CA10: variants seen among roughly 807,000 people sequenced by gnomAD.
CA10 encodes carbonic anhydrase-related protein 10.
Under a neutral mutation model 44.2 loss-of-function variants are expected in CA10, and 14 were observed. That is an observed-to-expected ratio of 0.32 (90% confidence interval 0.21 to 0.50). The LOEUF is 0.50. Among genes scored for constraint, CA10 ranks in the 20% least tolerant of loss-of-function variants. CA10 has a pLI of 0.99. For synonymous variants in CA10, 159 were observed against 141.6 expected (o/e 1.12, Z -0.87); for missense variants, 350 against 409.7 (o/e 0.85, Z 1.26).
Position 51,947,284 on chromosome 17 carries a change from T to C in CA10, c.137-16152A>G, listed in dbSNP as rs1266672927. ...TGTCTAGACTTTGAGTCACCTTTAT[T>C]TGTGTACTGTAAAAGACCGGTAGGA... is the stretch of plus-strand genomic sequence containing the variant. On this transcript the variant is annotated intron_variant, in intron 2 of 8. Transcript: ENST00000451037. Among the ~76,000 whole-genome samples, 4 of 150,626 alleles carry C rather than the reference T, an allele frequency of 2.7e-5. 1 individual carries two copies. Among genetic ancestry groups the C allele is most frequent in the Admixed American group, 2.6e-4 (4 of 15,134 alleles).
At chr17:52,039,196 T>C (rs931440160) in intron 2 of CA10, among the ~76,000 whole-genome samples, 1 of 152,170 alleles carries the variant, frequency 6.6e-6, no homozygotes, top group African/African-American at 2.4e-5. Context: ...CAAATACGTA[T>C]TAGACAAATT....
At chr17:51,964,825 A>G (rs575648151) in intron 2 of CA10, among the ~76,000 whole-genome samples, 2 of 152,100 alleles carry the variant, frequency 1.3e-5, no homozygotes, top group African/African-American at 4.8e-5. Context: ...TTAGTGATCT[A>G]TCATTGTACC....
At chr17:51,831,733 A>AGCAGCCGCCGCAGC (rs1567854687) in intron 3 of CA10, among the ~76,000 whole-genome samples, 6 of 121,578 alleles carry the variant, frequency 4.9e-5, no homozygotes, top group African/African-American at 2.5e-4. Flanking sequence ...GCAGCAGCAG[A>AGCAGCCGCCGCAGC]AAAAGACCTT....
chr17:51,790,434 T>G (rs573267226), intron 3 of CA10, among the ~76,000 whole-genome samples: 29 of 152,364 alleles, frequency 1.9e-4, no homozygotes, highest in Admixed American at 9.8e-4. Flanking sequence ...ACCTCTTGCA[T>G]TTGGCAAATC....
intron 2 of CA10, among the ~76,000 whole-genome samples, chr17:52,001,296 A>G (rs1985417156): frequency 6.6e-6 from 1 of 152,040 alleles, no homozygotes; most frequent in Non-Finnish European, 1.5e-5. Context: ...TTTTATAGAA[A>G]AAGTTTGCCA....
chr17:52,096,487 T>C (rs1988404376), intron 1 of CA10, among the ~76,000 whole-genome samples: 1 of 152,166 alleles, frequency 6.6e-6, no homozygotes, highest in Non-Finnish European at 1.5e-5. Flanking sequence ...GAATTGGCTC[T>C]GAGGACAGAG....
intron 4 of CA10, among the ~76,000 whole-genome samples, chr17:51,745,247 TG>T (rs1305160990): frequency 2.0e-5 from 3 of 152,292 alleles, no homozygotes; most frequent in Admixed American, 2.0e-4. Flanking sequence ...CACCTAAAAT[TG>T]TCACAGTGGT....
chr17:52,083,449 T>A (rs1344032504), intron 1 of CA10, among the ~76,000 whole-genome samples: 1 of 152,200 alleles, frequency 6.6e-6, no homozygotes, highest in Admixed American at 6.5e-5. Context: ...AAAGTACAAA[T>A]GCAGTTTTTT....
chr17:51,639,509 G>T lies in CA10; in HGVS notation c.635-3500C>A, dbSNP rs564072440. ...GCTCAGGGATTTATCACACACAGCA[G>T]GTTTCCAAAACACCGTAGTGCTGAT... On this transcript the variant is annotated intron_variant, in intron 6 of 8. Transcript: ENST00000451037. Among the ~76,000 whole-genome samples, 5 of 152,218 alleles carry T rather than the reference G, an allele frequency of 3.3e-5. No homozygotes were observed. The South Asian group carries it at 1.0e-3, about 32-fold the overall frequency.
At chr17:51,954,916 T>C (rs1983610520) in intron 2 of CA10, among the ~76,000 whole-genome samples, 1 of 152,290 alleles carries the variant, frequency 6.6e-6, no homozygotes, top group South Asian at 2.1e-4. Flanking sequence ...AGAACATCAG[T>C]TCCTTCCAGG....
intron 2 of CA10, among the ~76,000 whole-genome samples, chr17:51,960,925 A>T (rs1404576104): frequency 1.3e-5 from 2 of 152,172 alleles, no homozygotes; most frequent in Non-Finnish European, 2.9e-5. Context: ...TATTCCTGTG[A>T]GGTATTTTGT....
intron 4 of CA10, among the ~76,000 whole-genome samples, chr17:51,679,495 T>C (rs2143384634): frequency 6.6e-6 from 1 of 151,832 alleles, no homozygotes; most frequent in Non-Finnish European, 1.5e-5. Context: ...TCTCCTGACC[T>C]CGTGATCTGC....
At chr17:52,016,069 A>G (rs1381207378) in intron 2 of CA10, among the ~76,000 whole-genome samples, 1 of 152,014 alleles carries the variant, frequency 6.6e-6, no homozygotes, top group African/African-American at 2.4e-5. Context: ...GGATGGATGG[A>G]AAAGGAGAAT....
chr17:51,940,974 A>G (rs958728355), intron 2 of CA10, among the ~76,000 whole-genome samples: 3 of 152,168 alleles, frequency 2.0e-5, no homozygotes, highest in African/African-American at 7.2e-5. Context: ...TCACCAAGTC[A>G]TGGAGTATGC....
At chr17:51,654,225 T>C (rs568495425) in intron 4 of CA10, among the ~76,000 whole-genome samples, 4 of 152,346 alleles carry the variant, frequency 2.6e-5, no homozygotes, top group African/African-American at 9.6e-5. Flanking sequence ...GATGCAGTAG[T>C]AGCTGATGGA....
At chr17:51,785,761 T>G (rs1351010165) in intron 3 of CA10, among the ~76,000 whole-genome samples, 1 of 152,234 alleles carries the variant, frequency 6.6e-6, no homozygotes, top group African/African-American at 2.4e-5. Flanking sequence ...TTTCTTCTTT[T>G]TGCTCAGGAG....
At chr17:51,739,839 G>T (rs537365626) in intron 4 of CA10, among the ~76,000 whole-genome samples, 4 of 152,268 alleles carry the variant, frequency 2.6e-5, no homozygotes, top group South Asian at 4.1e-4. Flanking sequence ...TCACTCTGGT[G>T]GGACTGGCTC....
intron 2 of CA10, among the ~76,000 whole-genome samples, chr17:51,943,538 C>A (rs769458418): frequency 1.8e-4 from 27 of 152,184 alleles, no homozygotes; most frequent in Non-Finnish European, 2.6e-4. Flanking sequence ...TATGCCCAGC[C>A]TTTCGGGGCT....
At chr17:51,660,677 A>G (rs1485122537) in intron 4 of CA10, among the ~76,000 whole-genome samples, 1 of 152,188 alleles carries the variant, frequency 6.6e-6, no homozygotes, top group African/African-American at 2.4e-5. Flanking sequence ...TGAGCGCAAA[A>G]GAGCAGCCTT....
Sources: gnomAD v4.1 joint callset for allele counts (sites outside exome capture counted in the v4.1 genomes callset) on GRCh38, gnomAD v4.1.1 for gene constraint, MANE v1.5 for transcripts, NCBI Gene and HGNC (gene_info 2026-07-23, HGNC 2026-07-21) for gene names.